Variants in ENPP6 observed in about 807,000 individuals in gnomAD.
ENPP6 encodes ectonucleotide pyrophosphatase/phosphodiesterase 6, also known as glycerophosphocholine cholinephosphodiesterase ENPP6.
A neutral mutation model predicts 42.0 loss-of-function variants in ENPP6; 32 were observed. The observed-to-expected ratio is 0.76, with a 90% confidence interval of 0.58 to 1.02. ENPP6 has a LOEUF of 1.02. Ranked by LOEUF, ENPP6 falls within the 50% of genes least tolerant of loss-of-function variation. ENPP6 has a pLI of 0.00. For missense variants in ENPP6, 552 were observed against 566.8 expected, an observed-to-expected ratio of 0.97 and a Z score of 0.27; for synonymous variants, 213 against 216.0, an observed-to-expected ratio of 0.99 and a Z score of 0.12.
chr4:184,207,838 G>A (rs1733025718), intron 1 of ENPP6, among the ~76,000 whole-genome samples: 1 of 152,180 alleles, frequency 6.6e-6, no homozygotes, highest in Admixed American at 6.5e-5. Context: ...TTTGTTCACA[G>A]TTCATGAGCA....
intron 5 of ENPP6, among the ~76,000 whole-genome samples, chr4:184,114,803 T>C (rs1014244880): frequency 3.3e-5 from 5 of 151,708 alleles, no homozygotes; most frequent in Admixed American, 6.6e-5. Context: ...AAACCCAGAA[T>C]GTATTTTCAA....
chr4:184,144,489 G>T (rs1307123921), intron 2 of ENPP6, among the ~76,000 whole-genome samples: 5 of 152,198 alleles, frequency 3.3e-5, no homozygotes. Context: ...CATTTCCCCA[G>T]CCCTGTGGAA....
At chr4:184,162,753 G>A (rs1737287809) in intron 1 of ENPP6, among the ~76,000 whole-genome samples, 1 of 152,286 alleles carries the variant, frequency 6.6e-6, no homozygotes, top group Middle Eastern at 3.4e-3. Flanking sequence ...TTACTGATGT[G>A]CTAGATGCGG....
chr4:184,117,015 G>A lies in ENPP6; in HGVS notation c.696C>T (p.Arg232=), dbSNP rs1273184847. The A allele has an allele frequency of 6.2e-7, 1 of 1,614,052 alleles. No individual in the cohort carries two copies. Among genetic ancestry groups the A allele is most frequent in the Admixed American group, 1.7e-5 (1 of 60,010 alleles). ...GATCCGAGAAAATAATGACGTTCAG[G>A]CGGTCCTGCAGGCCCCGCTCCTGTG... is the stretch of plus-strand genomic sequence containing the variant. ...KWIQERGLQD[R]LNVIIFSDHG... Residue 232 remains arginine (R), a synonymous_variant, in exon 5 of 8, where the codon CGC becomes CGT. Coordinates refer to ENST00000296741, the MANE Select transcript of ENPP6 (RefSeq NM_153343.4).
chr4:184,148,516 G>A (rs772934004), intron 2 of ENPP6, among the ~76,000 whole-genome samples: 5 of 152,186 alleles, frequency 3.3e-5, no homozygotes, highest in Non-Finnish European at 7.3e-5. Flanking sequence ...AGCAGAAATG[G>A]TCGACGCCTA....
chr4:184,143,048 C>T (rs958163171), intron 2 of ENPP6, among the ~76,000 whole-genome samples: 2 of 152,186 alleles, frequency 1.3e-5, no homozygotes, highest in African/African-American at 4.8e-5. Flanking sequence ...TCCATGCTTC[C>T]CACAAAGGAA....
At chr4:184,199,965 T>C (rs147469357) in intron 1 of ENPP6, among the ~76,000 whole-genome samples, 6 of 152,072 alleles carry the variant, frequency 3.9e-5, no homozygotes, top group African/African-American at 1.4e-4. Flanking sequence ...CAAAATGGAG[T>C]CACTCATGCC....
chr4:184,113,636 A>G (rs1389693907), intron 5 of ENPP6, among the ~76,000 whole-genome samples: 1 of 152,268 alleles, frequency 6.6e-6, no homozygotes, highest in Non-Finnish European at 1.5e-5. Context: ...AATATTGCAA[A>G]GATCAAAAAA....
chr4:184,123,713 G>C (rs1736456562), intron 3 of ENPP6, among the ~76,000 whole-genome samples: 2 of 152,138 alleles, frequency 1.3e-5, no homozygotes, highest in Non-Finnish European at 2.9e-5. Flanking sequence ...GGAAAAAACA[G>C]ATTTTGTGTT....
intron 6 of ENPP6, among the ~76,000 whole-genome samples, chr4:184,101,336 G>A (rs1244186529): frequency 1.3e-5 from 2 of 149,582 alleles, no homozygotes; most frequent in African/African-American, 5.0e-5. Flanking sequence ...GTGTGTGTGT[G>A]TGTGTGTGTG....
Position 184,206,327 on chromosome 4 carries a change from G to C in ENPP6, c.241+11252C>G, listed in dbSNP as rs920976707. On this transcript the variant is annotated intron_variant, in intron 1 of 7. Coordinates refer to ENST00000296741, the MANE Select transcript of ENPP6 (RefSeq NM_153343.4). ...GGCTGGAGTGCAGTGGCGCGATCTC[G>C]GCTCACTGCAAGCTCCGCCTCCCGG... Among the ~76,000 whole-genome samples the C allele has an allele frequency of 1.9e-4, 21 of 112,030 alleles. 1 individual carries two copies. In the Admixed American group the frequency reaches 1.9e-3, roughly 10 times the overall value. 73.5% of individuals were successfully genotyped at this position (112,030 alleles called of 152,430 possible).
At chr4:184,168,508 G>A (rs1579646132) in intron 1 of ENPP6, among the ~76,000 whole-genome samples, 1 of 141,332 alleles carries the variant, frequency 7.1e-6, no homozygotes, top group South Asian at 2.3e-4. Flanking sequence ...CTTTGCACGG[G>A]GGTGAAAGTT....
chr4:184,125,705 G>A (rs4385120), intron 2 of ENPP6, among the ~76,000 whole-genome samples: 102,106 of 151,212 alleles, frequency 0.68, 34,743 homozygotes, highest in African/African-American at 0.73. Flanking sequence ...GAGAGCAAGG[G>A]CTCCTACAAT....
chr4:184,113,902 T>C (rs915469628), intron 5 of ENPP6, among the ~76,000 whole-genome samples: 5 of 61,344 alleles, frequency 8.2e-5, no homozygotes, highest in East Asian at 4.3e-4. Flanking sequence ...TTCTTTCTTT[T>C]CTTTCTTTCT....
At chr4:184,205,377 G>A (rs1882324) in intron 1 of ENPP6, among the ~76,000 whole-genome samples, 2,653 of 152,372 alleles carry the variant, frequency 0.017, 76 homozygotes, top group Admixed American at 0.059. Flanking sequence ...GGGCAGATCT[G>A]AAGAATGCAG....
At chr4:184,103,715 C>T (rs1401697868) in intron 6 of ENPP6, among the ~76,000 whole-genome samples, 1 of 152,234 alleles carries the variant, frequency 6.6e-6, no homozygotes, top group Non-Finnish European at 1.5e-5. Context: ...CAGCAGGACT[C>T]TTTGGAGCCC....
chr4:184,163,308 C>T (rs931266055), intron 1 of ENPP6, among the ~76,000 whole-genome samples: 5 of 152,160 alleles, frequency 3.3e-5, no homozygotes, highest in African/African-American at 7.2e-5. Context: ...GGAATAACTC[C>T]CTGCCCTTTG....
At chr4:184,130,449 T>G (rs1320549838) in intron 2 of ENPP6, among the ~76,000 whole-genome samples, 2 of 95,048 alleles carry the variant, frequency 2.1e-5, no homozygotes, top group African/African-American at 4.0e-5. Flanking sequence ...TCCCAGCTAC[T>G]CGGGAGGCTG....
At chr4:184,123,946 C>G (rs1736459803) in intron 3 of ENPP6, among the ~76,000 whole-genome samples, 2 of 152,194 alleles carry the variant, frequency 1.3e-5, no homozygotes, top group South Asian at 4.1e-4. Flanking sequence ...TAGGGATTTT[C>G]CTGCTCTCAA....
Sources: gnomAD v4.1 joint callset for allele counts (sites outside exome capture counted in the v4.1 genomes callset) on GRCh38, gnomAD v4.1.1 for gene constraint, MANE v1.5 for transcripts, NCBI Gene and HGNC (gene_info 2026-07-23, HGNC 2026-07-21) for gene names.